CCSER1: variants seen among roughly 807,000 people sequenced by gnomAD.
CCSER1 encodes serine-rich coiled-coil domain-containing protein 1.
A neutral mutation model predicts 82.0 loss-of-function variants in CCSER1; 41 were observed. The observed-to-expected ratio is 0.50, with a 90% CI of 0.39 to 0.65. The LOEUF (loss-of-function observed/expected upper bound fraction) is 0.65, where lower values mean the gene tolerates loss of function less well. Ranked by LOEUF, CCSER1 falls within the 30% of genes least tolerant of loss-of-function variation. CCSER1 has a pLI of 0.00. For missense variants in CCSER1, 1,119 were observed against 1,064.2 expected, an observed-to-expected ratio of 1.05 and a Z score of -0.72; for synonymous variants, 414 against 383.9, an observed-to-expected ratio of 1.08 and a Z score of -0.92.
intron 10 of CCSER1, among the ~76,000 whole-genome samples, chr4:91,199,924 A>G (rs1735769936): frequency 6.6e-6 from 1 of 152,040 alleles, no homozygotes; most frequent in African/African-American, 2.4e-5. Context: ...AAAAGCTGCT[A>G]CATAATAAGG....
At chr4:90,370,084 G>A (rs1362156603) in intron 3 of CCSER1, 1 of 151,994 alleles carries the variant, frequency 6.6e-6, no homozygotes, top group African/African-American at 2.4e-5. Flanking sequence ...TTCCAAAAAA[G>A]CCAAATGAAA....
At chr4:90,444,357 A>T (rs570864715) in intron 4 of CCSER1, among the ~76,000 whole-genome samples, 1 of 152,162 alleles carries the variant, frequency 6.6e-6, no homozygotes, top group Non-Finnish European at 1.5e-5. Context: ...GCTAGAATGC[A>T]CCCACACGTT....
intron 1 of CCSER1, among the ~76,000 whole-genome samples, chr4:90,164,698 T>C (rs113029251): frequency 1.3e-5 from 2 of 152,146 alleles, no homozygotes; most frequent in African/African-American, 4.8e-5. Context: ...AGAGAAATTG[T>C]GAAGCAGCTA....
intron 10 of CCSER1, among the ~76,000 whole-genome samples, chr4:91,169,923 A>C (rs1258098849): frequency 6.6e-6 from 1 of 152,224 alleles, no homozygotes; most frequent in African/African-American, 2.4e-5. Flanking sequence ...ATCTAGGCCT[A>C]CTTTCAATTA....
At chr4:90,623,534 A>G (rs1170043242) in intron 5 of CCSER1, among the ~76,000 whole-genome samples, 1 of 152,210 alleles carries the variant, frequency 6.6e-6, no homozygotes, top group Non-Finnish European at 1.5e-5. Context: ...GGCTATGTTA[A>G]GATATTTGAA....
intron 10 of CCSER1, among the ~76,000 whole-genome samples, chr4:91,168,626 C>CCTGCCCAT (rs923140279): frequency 8.6e-5 from 13 of 150,736 alleles, no homozygotes; most frequent in African/African-American, 2.9e-4. Flanking sequence ...TCTCTGCCCA[C>CCTGCCCAT]CTGCCCATCT....
At chr4:90,225,296 A>AGACTCCTG (rs1742959699) in intron 1 of CCSER1, among the ~76,000 whole-genome samples, 1 of 141,938 alleles carries the variant, frequency 7.0e-6, no homozygotes, top group South Asian at 2.2e-4. Context: ...GGCTGGTCTC[A>AGACTCCTG]GACTCCTGGG....
At chr4:91,172,715 A>G (rs764035570) in intron 10 of CCSER1, among the ~76,000 whole-genome samples, 1 of 152,174 alleles carries the variant, frequency 6.6e-6, no homozygotes, top group Non-Finnish European at 1.5e-5. Context: ...ATTTTCATCC[A>G]GGGGTTTTCC....
chr4:91,414,725 A>G (rs1259952564), intron 10 of CCSER1, among the ~76,000 whole-genome samples: 1 of 152,182 alleles, frequency 6.6e-6, no homozygotes, highest in Admixed American at 6.6e-5. Flanking sequence ...ACTGAAAAAC[A>G]AAACCCATCT....
chr4:91,123,412 T>G (rs190870532), intron 10 of CCSER1, among the ~76,000 whole-genome samples: 33 of 151,808 alleles, frequency 2.2e-4, no homozygotes, highest in Non-Finnish European at 4.4e-4. Flanking sequence ...GTGTAGTAGT[T>G]TCTAATATAG....
chr4:90,489,543 C>G (rs1767636988), intron 5 of CCSER1, among the ~76,000 whole-genome samples: 1 of 151,924 alleles, frequency 6.6e-6, no homozygotes, highest in Admixed American at 6.6e-5. Context: ...TATTATACTT[C>G]AAGTGCTAGG....
intron 8 of CCSER1, among the ~76,000 whole-genome samples, chr4:90,834,683 G>A (rs543907882): frequency 1.3e-4 from 20 of 152,278 alleles, no homozygotes; most frequent in African/African-American, 4.1e-4. Context: ...ACCGTGTTCA[G>A]TTACAGAAAA....
chr4:90,702,565 A>G (rs752611544), intron 6 of CCSER1, among the ~76,000 whole-genome samples: 4 of 152,106 alleles, frequency 2.6e-5, no homozygotes, highest in Non-Finnish European at 4.4e-5. Flanking sequence ...TCCTCCTTGT[A>G]CCACTGCTAG....
chr4:91,266,993 C>T (rs149353301), intron 10 of CCSER1, among the ~76,000 whole-genome samples: 1 of 152,272 alleles, frequency 6.6e-6, no homozygotes, highest in Non-Finnish European at 1.5e-5. Context: ...AAAACTTACT[C>T]AAATATAGTT....
chr4:90,781,289 A>G (rs1212030431), intron 7 of CCSER1: 1 of 985,030 alleles, frequency 1.0e-6, no homozygotes, highest in Admixed American at 6.1e-5. Context: ...CTCTACAGAA[A>G]CAGACACTGT....
intron 5 of CCSER1, among the ~76,000 whole-genome samples, chr4:90,547,437 A>G (rs761963626): frequency 2.6e-5 from 4 of 152,076 alleles, no homozygotes; most frequent in Non-Finnish European, 4.4e-5. Flanking sequence ...AGAGAGAAAC[A>G]TATTAATACA....
intron 5 of CCSER1, among the ~76,000 whole-genome samples, chr4:90,550,518 A>G (rs1777330501): frequency 6.6e-6 from 1 of 152,174 alleles, no homozygotes; most frequent in African/African-American, 2.4e-5. Flanking sequence ...TTATTTTCTA[A>G]TCCATTTAAA....
chr4:91,343,370 C>T (rs1278845821), intron 10 of CCSER1, among the ~76,000 whole-genome samples: 1 of 152,062 alleles, frequency 6.6e-6, no homozygotes, highest in Non-Finnish European at 1.5e-5. Flanking sequence ...TACATGTTTT[C>T]CCTTTGCTCA....
chr4:90,949,669 T>C (rs537240003), intron 9 of CCSER1, among the ~76,000 whole-genome samples: 12 of 152,282 alleles, frequency 7.9e-5, no homozygotes, highest in South Asian at 4.1e-4. Context: ...AGCAACTGTT[T>C]TGTGCCAGGT....
Sources: allele counts gnomAD v4.1 joint callset (sites outside exome capture counted in the v4.1 genomes callset), GRCh38; gene constraint gnomAD v4.1.1; transcripts MANE v1.5; gene names NCBI Gene and HGNC (gene_info 2026-07-23, HGNC 2026-07-21).